The following CACNB4 variants were observed in gnomAD, a reference collection of about 807,000 sequenced individuals.
The protein encoded by CACNB4 is voltage-dependent L-type calcium channel subunit beta-4.
Under a neutral mutation model 71.2 loss-of-function variants are expected in CACNB4, and 32 were observed. The ratio of observed to expected loss-of-function variants is 0.45; its 90% CI spans 0.34 to 0.60. CACNB4 has a LOEUF of 0.60. CACNB4 is among the 20% of genes least tolerant of loss of function. The probability of loss-of-function intolerance (pLI) is 0.01; values close to 1 mark genes in which losing one functional copy is unlikely to be tolerated. For missense variants in CACNB4, 464 were observed against 647.9 expected (o/e 0.72, Z 3.08); for synonymous variants, 231 against 236.9 (o/e 0.97, Z 0.23).
Position 152,062,694 on chromosome 2 carries a change from C to G in CACNB4, c.147+35636G>C, listed in dbSNP as rs527484150. Among the ~76,000 whole-genome samples, 5 of 152,260 alleles carry G rather than the reference C, an allele frequency of 3.3e-5. No individual in the cohort carries two copies. The East Asian group carries it at 7.7e-4, about 23-fold the overall frequency. ...CCAGCTTTGGAGCAGCTCCTGGCCT[C>G]TCCCATCATGGCAAGACAGAGCCTT... On this transcript the variant is annotated intron_variant, in intron 2 of 13. Transcript: ENST00000539935.
At chr2:151,848,033 T>C (rs1338272961) in intron 12 of CACNB4, among the ~76,000 whole-genome samples, 1 of 152,222 alleles carries the variant, frequency 6.6e-6, no homozygotes, top group East Asian at 1.9e-4. Context: ...TTTGTGACAC[T>C]TGATGTGAAC....
chr2:152,026,031 G>A (rs1683947522), intron 2 of CACNB4, among the ~76,000 whole-genome samples: 2 of 152,264 alleles, frequency 1.3e-5, no homozygotes, highest in South Asian at 2.1e-4. Flanking sequence ...TGATGCAGCC[G>A]ACACCTCTGG....
intron 2 of CACNB4, among the ~76,000 whole-genome samples, chr2:152,054,105 C>T (rs1036800889): frequency 1.3e-5 from 2 of 152,054 alleles, no homozygotes; most frequent in East Asian, 1.9e-4. Flanking sequence ...CGGTGGCTCA[C>T]GCCTGTAATC....
intron 2 of CACNB4, among the ~76,000 whole-genome samples, chr2:152,060,182 A>G (rs1039551163): frequency 2.0e-5 from 3 of 152,200 alleles, no homozygotes; most frequent in African/African-American, 4.8e-5. Flanking sequence ...TTACACATCT[A>G]TCTCCCACAC....
chr2:151,858,269 T>C (rs1461193459), intron 10 of CACNB4: 1 of 152,156 alleles, frequency 6.6e-6, no homozygotes, highest in Non-Finnish European at 1.5e-5. Context: ...CCCACCTCTC[T>C]CCAGGATCCC....
intron 2 of CACNB4, chr2:151,969,500 G>A (rs956887859): frequency 2.6e-5 from 4 of 152,076 alleles, no homozygotes; most frequent in African/African-American, 9.7e-5. Flanking sequence ...CAACTCTCTT[G>A]GGTATCTTTG....
At chr2:151,907,557 G>T (rs530947306) in intron 2 of CACNB4, among the ~76,000 whole-genome samples, 2 of 152,210 alleles carry the variant, frequency 1.3e-5, no homozygotes, top group East Asian at 3.9e-4. Flanking sequence ...TTAATAAAAC[G>T]CCAGTCTTTA....
chr2:152,004,754 T>C (rs1266187093), intron 2 of CACNB4, among the ~76,000 whole-genome samples: 1 of 152,064 alleles, frequency 6.6e-6, no homozygotes, highest in African/African-American at 2.4e-5. Context: ...ACAATGGGGA[T>C]AGGGGAGGAG....
At chr2:151,969,990 C>A (rs1251533229) in intron 2 of CACNB4, 3 of 152,050 alleles carry the variant, frequency 2.0e-5, no homozygotes, top group African/African-American at 7.3e-5. Context: ...AAGATCAGGT[C>A]CCTCTTTCTA....
chr2:151,990,798 T>C (rs562239103), intron 2 of CACNB4, among the ~76,000 whole-genome samples: 7 of 152,220 alleles, frequency 4.6e-5, no homozygotes, highest in Non-Finnish European at 8.8e-5. Flanking sequence ...AAGAGATGTC[T>C]GTAGGCAGAG....
intron 2 of CACNB4, among the ~76,000 whole-genome samples, chr2:151,989,333 T>C (rs139825435): frequency 6.1e-4 from 93 of 152,368 alleles, no homozygotes; most frequent in African/African-American, 2.2e-3. Flanking sequence ...TGTCTTCATT[T>C]CTTCTCCATT....
intron 2 of CACNB4, among the ~76,000 whole-genome samples, chr2:152,093,839 A>G (rs1005511817): frequency 1.3e-5 from 2 of 152,212 alleles, no homozygotes; most frequent in African/African-American, 4.8e-5. Context: ...CAGAAATAAA[A>G]AATTGTTGTT....
chr2:151,880,079 C>T (rs2099847446), intron 4 of CACNB4: 1 of 152,218 alleles, frequency 6.6e-6, no homozygotes, highest in South Asian at 2.1e-4. Context: ...TAGACATCCT[C>T]ACCTCATATA....
chr2:151,893,237 C>CT (rs1168980869), intron 2 of CACNB4, among the ~76,000 whole-genome samples: 2 of 151,884 alleles, frequency 1.3e-5, no homozygotes, highest in African/African-American at 4.8e-5. Flanking sequence ...AAAAATAGAT[C>CT]CCTATTTTAT....
At chr2:151,869,059 G>C in intron 9 of CACNB4, 118 bp downstream of exon 9, 1 of 657,278 alleles carries the variant, frequency 1.5e-6, no homozygotes, top group Non-Finnish European at 2.7e-6. Flanking sequence ...CAAGAATACT[G>C]AGTTAACTTT....
At chr2:151,872,096 G>T in intron 6 of CACNB4, 1 of 263,390 alleles carries the variant, frequency 3.8e-6, no homozygotes. Flanking sequence ...TTTTTTTATT[G>T]GCCTTCACCA....
At chr2:151,954,862 T>TC (rs2099867795) in intron 2 of CACNB4, among the ~76,000 whole-genome samples, 1 of 143,330 alleles carries the variant, frequency 7.0e-6, no homozygotes, top group Non-Finnish European at 1.5e-5. Context: ...TTTTTTTTTT[T>TC]TTTTTTTTTG....
At chr2:151,897,418 C>T (rs1168510710) in intron 2 of CACNB4, among the ~76,000 whole-genome samples, 1 of 152,200 alleles carries the variant, frequency 6.6e-6, no homozygotes, top group Non-Finnish European at 1.5e-5. Flanking sequence ...TGGATTTTCT[C>T]TTCCCTTCCT....
At chr2:151,877,304 T>A (rs2099846687) in intron 4 of CACNB4, among the ~76,000 whole-genome samples, 1 of 152,078 alleles carries the variant, frequency 6.6e-6, no homozygotes, top group South Asian at 2.1e-4. Context: ...CATCAACAAG[T>A]GAGCATGGCT....
Sources: gnomAD v4.1 joint callset for allele counts (sites outside exome capture counted in the v4.1 genomes callset) on GRCh38, gnomAD v4.1.1 for gene constraint, MANE v1.5 for transcripts, NCBI Gene and HGNC (gene_info 2026-07-23, HGNC 2026-07-21) for gene names.